GRIK1: variants seen among roughly 807,000 people sequenced by gnomAD.
GRIK1 encodes the protein glutamate ionotropic receptor kainate type subunit 1.
Under a neutral mutation model 105.7 loss-of-function variants are expected in GRIK1, and 69 were observed. The observed-to-expected ratio is 0.65, with a 90% CI of 0.54 to 0.80. The LOEUF (loss-of-function observed/expected upper bound fraction) is 0.80, where lower values mean the gene tolerates loss of function less well. Among genes scored for constraint, GRIK1 ranks in the 30% least tolerant of loss-of-function variants. GRIK1 has a pLI of 0.00. For missense variants in GRIK1, 1,109 were observed against 1,167.3 expected, an observed-to-expected ratio of 0.95 and a Z score of 0.73; for synonymous variants, 438 against 431.3, an observed-to-expected ratio of 1.02 and a Z score of -0.19.
intron 12 of GRIK1, 33 bp from the exon 13 acceptor site, chr21:29,581,576 T>G (rs189641369): frequency 1.0e-5 from 13 of 1,279,482 alleles, no homozygotes; most frequent in Non-Finnish European, 1.5e-5. Flanking sequence ...TCTGTAAATA[T>G]CAGAGAAACA....
chr21:29,560,597 C>CTTTCT (rs2090455149), intron 15 of GRIK1, among the ~76,000 whole-genome samples: 1 of 88,512 alleles, frequency 1.1e-5, no homozygotes, highest in Non-Finnish European at 2.2e-5. Flanking sequence ...TCTTTCTCTC[C>CTTTCT]TTCCTTCCTT....
intron 13 of GRIK1, among the ~76,000 whole-genome samples, chr21:29,580,323 C>T (rs2146254838): frequency 6.6e-6 from 1 of 151,800 alleles, no homozygotes; most frequent in East Asian, 1.9e-4. Context: ...GGATTTATAC[C>T]TCTGTGCTAT....
chr21:29,601,554 T>C (rs907307602), intron 7 of GRIK1, among the ~76,000 whole-genome samples: 2 of 152,222 alleles, frequency 1.3e-5, no homozygotes, highest in African/African-American at 2.4e-5. Context: ...GGAACAGGCC[T>C]GGGCTCTCCA....
intron 1 of GRIK1, among the ~76,000 whole-genome samples, chr21:29,882,172 T>C (rs2069439302): frequency 6.6e-6 from 1 of 152,038 alleles, no homozygotes; most frequent in Non-Finnish European, 1.5e-5. Context: ...TAGGAAGAGA[T>C]GGGACTTTTG....
At chr21:29,537,915 T>A in intron 16 of GRIK1, 31 bp from the exon 17 acceptor site, 1 of 1,007,886 alleles carries the variant, frequency 9.9e-7, no homozygotes, top group Non-Finnish European at 1.5e-6. Context: ...AAAAACAATT[T>A]TAAATTGTAC....
At chr21:29,758,076 C>T (rs2065397089) in intron 1 of GRIK1, among the ~76,000 whole-genome samples, 1 of 152,198 alleles carries the variant, frequency 6.6e-6, no homozygotes, top group Admixed American at 6.5e-5. Flanking sequence ...AGAGATCTTC[C>T]ACCTTTCAGC....
Position 29,587,545 on chromosome 21 carries a change from C to T in GRIK1, c.1614G>A (p.Arg538=), listed in dbSNP as rs188101739. ...GTTTGGAGAAGTCAATGACTTTCTC[C>T]CGCACGTAGGTGATGGTAAGAGGAG... ...AVAPLTITYV[R]EKVIDFSKPF... The change falls in exon 12 of 18, where the codon CGG becomes CGA. Residue 538 remains arginine (R), a synonymous_variant. Coordinates refer to ENST00000327783, the MANE Select transcript of GRIK1 (RefSeq NM_001330994.2). The T allele has an allele frequency of 3.7e-6, 6 of 1,613,696 alleles. No individual in the cohort carries two copies. In the East Asian group the frequency reaches 6.7e-5, roughly 18 times the overall value.
At chr21:29,816,271 G>A (rs1297286631) in intron 1 of GRIK1, among the ~76,000 whole-genome samples, 3 of 152,000 alleles carry the variant, frequency 2.0e-5, no homozygotes, top group African/African-American at 4.8e-5. Context: ...AATTAGAATG[G>A]CTATCATCAA....
intron 1 of GRIK1, among the ~76,000 whole-genome samples, chr21:29,697,928 C>CTCTT (rs139206707): frequency 0.19 from 27,326 of 145,770 alleles, 5,022 homozygotes; most frequent in African/African-American, 0.47. Flanking sequence ...CTCTCTCTCT[C>CTCTT]TCTTTCTTTC....
chr21:29,613,620 C>T (rs566753750), intron 7 of GRIK1, among the ~76,000 whole-genome samples: 67 of 152,164 alleles, frequency 4.4e-4, no homozygotes, highest in African/African-American at 1.2e-3. Context: ...CCATCCACCA[C>T]CCATATACAG....
At chr21:29,578,413 A>G (rs766767911) in intron 13 of GRIK1, among the ~76,000 whole-genome samples, 3 of 152,216 alleles carry the variant, frequency 2.0e-5, no homozygotes, top group Admixed American at 1.3e-4. Context: ...CTACCAATAA[A>G]TGAATTTGTG....
chr21:29,834,847 C>A (rs115828159), intron 1 of GRIK1, among the ~76,000 whole-genome samples: 3,162 of 150,064 alleles, frequency 0.021, 110 homozygotes, highest in African/African-American at 0.074. Context: ...TTCAATATTA[C>A]AATTGAATAT....
chr21:29,699,152 A>G (rs1305777944), intron 1 of GRIK1, among the ~76,000 whole-genome samples: 2 of 152,308 alleles, frequency 1.3e-5, no homozygotes, highest in East Asian at 1.9e-4. Flanking sequence ...GCCTGTGCCT[A>G]CATTCTGGAG....
At chr21:29,791,014 G>A (rs771451228) in intron 1 of GRIK1, among the ~76,000 whole-genome samples, 3 of 152,142 alleles carry the variant, frequency 2.0e-5, no homozygotes, top group Non-Finnish European at 4.4e-5. Context: ...GTCTGAGTAG[G>A]TGACACTGAT....
At chr21:29,672,541 C>G (rs897085956) in intron 4 of GRIK1, among the ~76,000 whole-genome samples, 1 of 151,932 alleles carries the variant, frequency 6.6e-6, no homozygotes, top group Non-Finnish European at 1.5e-5. Flanking sequence ...CCCTGTATAC[C>G]TTTTTTATTG....
intron 7 of GRIK1, among the ~76,000 whole-genome samples, chr21:29,604,060 G>T (rs2061568497): frequency 6.6e-6 from 1 of 152,152 alleles, no homozygotes. Context: ...GGAGCATATG[G>T]CTTATAGCGG....
chr21:29,681,159 A>C (rs2063367076), intron 3 of GRIK1, among the ~76,000 whole-genome samples: 1 of 152,162 alleles, frequency 6.6e-6, no homozygotes, highest in South Asian at 2.1e-4. Context: ...AAAAAAGTAA[A>C]CATAGTACAT....
At chr21:29,642,760 C>A in intron 7 of GRIK1, 66 bp downstream of exon 7, 2 of 1,433,816 alleles carry the variant, frequency 1.4e-6, no homozygotes, top group Non-Finnish European at 9.8e-7. Context: ...TGGGGAGGAC[C>A]ATACCAAATG....
chr21:29,712,670 G>A (rs1358724844), intron 1 of GRIK1, among the ~76,000 whole-genome samples: 2 of 152,128 alleles, frequency 1.3e-5, no homozygotes, highest in African/African-American at 4.8e-5. Context: ...TCGTTGGATT[G>A]CTTCTTTGTT....
Sources: allele counts gnomAD v4.1 joint callset (sites outside exome capture counted in the v4.1 genomes callset), GRCh38; gene constraint gnomAD v4.1.1; transcripts MANE v1.5; gene names NCBI Gene and HGNC (gene_info 2026-07-23, HGNC 2026-07-21).